The following ARHGAP12 variants were observed in gnomAD, a reference collection of about 807,000 sequenced individuals.
The protein encoded by ARHGAP12 is rho GTPase-activating protein 12.
In ARHGAP12, 64 loss-of-function variants were observed where a neutral mutation model predicts 108.6. The ratio of observed to expected loss-of-function variants is 0.59; its 90% CI spans 0.48 to 0.73. ARHGAP12 has a LOEUF of 0.73. Ranked by LOEUF, ARHGAP12 falls within the 30% of genes least tolerant of loss-of-function variation. The pLI, the probability that ARHGAP12 is intolerant of heterozygous loss-of-function variation, is 0.00. For synonymous variants in ARHGAP12, 312 were observed against 337.2 expected (o/e 0.93, Z 0.82); for missense variants, 940 against 1,005.9 (o/e 0.93, Z 0.89).
intron 9 of ARHGAP12, among the ~76,000 whole-genome samples, chr10:31,838,827 T>C (rs1298566882): frequency 1.3e-3 from 85 of 65,796 alleles, no homozygotes; most frequent in Non-Finnish European, 1.4e-3. Flanking sequence ...TGAGGCTCCA[T>C]CTCAAAAAAA....
intron 3 of ARHGAP12, among the ~76,000 whole-genome samples, chr10:31,902,045 GGTAA>G (rs1838948757): frequency 6.6e-6 from 1 of 152,000 alleles, no homozygotes; most frequent in Admixed American, 6.6e-5. Context: ...TATTATCTTT[GGTAA>G]GTATTATTCA....
At chr10:31,871,720 A>G (rs1468882832) in intron 3 of ARHGAP12, among the ~76,000 whole-genome samples, 1 of 152,218 alleles carries the variant, frequency 6.6e-6, no homozygotes, top group Non-Finnish European at 1.5e-5. Flanking sequence ...GCCATGCTAT[A>G]AACTACAACC....
At chr10:31,827,622 T>C (rs529575121) in intron 10 of ARHGAP12, among the ~76,000 whole-genome samples, 1 of 152,220 alleles carries the variant, frequency 6.6e-6, no homozygotes, top group Non-Finnish European at 1.5e-5. Flanking sequence ...AAACCTCGTC[T>C]CTACTAAAAA....
intron 6 of ARHGAP12, 88 bp from the exon 7 acceptor site, chr10:31,843,674 CAA>C: frequency 1.4e-6 from 2 of 1,416,264 alleles, no homozygotes; most frequent in Non-Finnish European, 1.9e-6. Context: ...CTCCAAATGA[CAA>C]AGACTGTTAG....
chr10:31,923,141 A>AAAC (rs1324950159), intron 1 of ARHGAP12, among the ~76,000 whole-genome samples: 3 of 151,628 alleles, frequency 2.0e-5, no homozygotes, highest in Non-Finnish European at 4.4e-5. Flanking sequence ...GGAAAAAAAA[A>AAAC]AAAAAAAAAA....
At chr10:31,871,159 A>C (rs1837528688) in intron 3 of ARHGAP12, among the ~76,000 whole-genome samples, 1 of 152,214 alleles carries the variant, frequency 6.6e-6, no homozygotes, top group Non-Finnish European at 1.5e-5. Flanking sequence ...AAATAGGCGC[A>C]AGTCAAGAGA....
At chr10:31,842,105 T>C (rs934346859) in intron 7 of ARHGAP12, among the ~76,000 whole-genome samples, 1 of 151,914 alleles carries the variant, frequency 6.6e-6, no homozygotes, top group Non-Finnish European at 1.5e-5. Flanking sequence ...AGGAGTAAGA[T>C]TGTTTGACAT....
At chr10:31,874,244 T>C (rs1039116201) in intron 3 of ARHGAP12, among the ~76,000 whole-genome samples, 1 of 152,236 alleles carries the variant, frequency 6.6e-6, no homozygotes, top group African/African-American at 2.4e-5. Flanking sequence ...TACCATCTTT[T>C]CTGTCTCTCA....
intron 16 of ARHGAP12, 30 bp downstream of exon 16, chr10:31,810,619 T>TA (rs3840745): frequency 7.0e-3 from 8,996 of 1,283,862 alleles, no homozygotes; most frequent in Non-Finnish European, 7.6e-3. Context: ...TGCTTAATGT[T>TA]AAAAAAAAAA....
intron 3 of ARHGAP12, among the ~76,000 whole-genome samples, chr10:31,871,445 C>G (rs1464867756): frequency 6.6e-6 from 1 of 152,096 alleles, no homozygotes; most frequent in Non-Finnish European, 1.5e-5. Flanking sequence ...ACTTAGCTGT[C>G]ACCTTACGGC....
chr10:31,818,494 T>TTATTA (rs1564368801), intron 12 of ARHGAP12, among the ~76,000 whole-genome samples: 7 of 152,206 alleles, frequency 4.6e-5, no homozygotes, highest in African/African-American at 1.7e-4. Flanking sequence ...AACTAATTTA[T>TTATTA]GTACAATCTC....
chr10:31,807,729 C>G lies in ARHGAP12; in HGVS notation c.2470G>C (p.Val824Leu). 1 of 1,609,796 alleles carries G rather than the reference C, an allele frequency of 6.2e-7. No homozygotes were observed. Among genetic ancestry groups the G allele is most frequent in the Non-Finnish European group, 8.5e-7 (1 of 1,178,434 alleles). The change falls in exon 20 of 20, where the codon GTT becomes CTT. Residue 824 changes from valine to leucine, a missense_variant. Coordinates refer to ENST00000344936, the MANE Select transcript of ARHGAP12 (RefSeq NM_018287.7). ...KPEKETGNIA[V>L]HTVYQNQIVE... is the part of the protein sequence containing the mutation. The stretch of plus-strand genomic sequence containing the variant: ...ATCTGATTCTGGTACACAGTATGAA[C>G]TGCTATATTACCAGTCTCTTTTTCT...
At chr10:31,875,815 C>T (rs1837707337) in intron 3 of ARHGAP12, among the ~76,000 whole-genome samples, 1 of 152,170 alleles carries the variant, frequency 6.6e-6, no homozygotes, top group African/African-American at 2.4e-5. Flanking sequence ...AAAACTGAAA[C>T]TCCATACTCA....
intron 4 of ARHGAP12, 140 bp downstream of exon 4, chr10:31,861,255 G>T: frequency 1.9e-6 from 2 of 1,055,132 alleles, no homozygotes; most frequent in East Asian, 2.6e-5. Flanking sequence ...AGTAAAGCTT[G>T]GAAAGAATTT....
At chr10:31,839,400 C>T in intron 8 of ARHGAP12, 81 bp from the exon 9 acceptor site, 1 of 1,407,100 alleles carries the variant, frequency 7.1e-7, no homozygotes, top group Non-Finnish European at 9.8e-7. Flanking sequence ...AATATAAGTT[C>T]ATCACTTAAA....
chr10:31,894,266 A>G (rs1034550615), intron 3 of ARHGAP12, among the ~76,000 whole-genome samples: 1 of 152,146 alleles, frequency 6.6e-6, no homozygotes, highest in Non-Finnish European at 1.5e-5. Flanking sequence ...GGCAGGAGAA[A>G]GAAATAAAGG....
intron 16 of ARHGAP12, 181 bp from the exon 17 acceptor site, chr10:31,809,488 C>G (rs992000532): frequency 5.2e-6 from 3 of 582,002 alleles, no homozygotes; most frequent in Non-Finnish European, 9.2e-6. Context: ...GATGGAGATT[C>G]GCTCTGAATT....
chr10:31,916,746 AGCTGGGACTACAGGT>A (rs1839573385), intron 1 of ARHGAP12, among the ~76,000 whole-genome samples: 1 of 152,110 alleles, frequency 6.6e-6, no homozygotes, highest in South Asian at 2.1e-4. Flanking sequence ...CCTCCCAAGC[AGCTGGGACTACAGGT>A]GCCCGCCACC....
At chr10:31,830,223 T>C (rs1320008360) in intron 10 of ARHGAP12, among the ~76,000 whole-genome samples, 2 of 152,182 alleles carry the variant, frequency 1.3e-5, no homozygotes, top group African/African-American at 2.4e-5. Flanking sequence ...CAGTAATTTT[T>C]AAGCATTTAA....
Sources: gnomAD v4.1 joint callset for allele counts (sites outside exome capture counted in the v4.1 genomes callset) on GRCh38, gnomAD v4.1.1 for gene constraint, MANE v1.5 for transcripts, NCBI Gene and HGNC (gene_info 2026-07-23, HGNC 2026-07-21) for gene names.